HS3ST1: variants seen among roughly 807,000 people sequenced by gnomAD.
The protein encoded by HS3ST1 is heparan sulfate glucosamine 3-O-sulfotransferase 1.
In HS3ST1, 8 loss-of-function variants were observed where a neutral mutation model predicts 20.7. The ratio of observed to expected loss-of-function variants is 0.39; its 90% CI spans 0.23 to 0.70. The LOEUF (loss-of-function observed/expected upper bound fraction) is 0.70, where lower values mean the gene tolerates loss of function less well. HS3ST1 is among the 30% of genes least tolerant of loss of function. The pLI is 0.46. For synonymous variants in HS3ST1, 205 were observed against 190.4 expected (o/e 1.08, Z -0.63); for missense variants, 436 against 423.4 (o/e 1.03, Z -0.26).
intron 1 of HS3ST1, among the ~76,000 whole-genome samples, chr4:11,412,960 A>C (rs1342664633): frequency 6.6e-6 from 1 of 152,250 alleles, no homozygotes; most frequent in East Asian, 1.9e-4. Context: ...CCCTTCTAAG[A>C]AGAGGCCAGA....
chr4:11,410,641 C>T (rs2108884674), intron 1 of HS3ST1, among the ~76,000 whole-genome samples: 1 of 152,178 alleles, frequency 6.6e-6, no homozygotes, highest in Middle Eastern at 3.4e-3. Flanking sequence ...GCCTGTAATC[C>T]CAGCACTTTT....
rs920826836 is a variant in HS3ST1, at chr4:11,396,108, C to G, written c.*2974G>C. The G allele has an allele frequency of 1.3e-5, 2 of 152,208 alleles. No homozygotes were observed. The highest frequency in any genetic ancestry group is 2.1e-4 in the South Asian group (1 of 4,826). The allele number at this position is 152,208 out of a possible 1,614,324, so 9.4% of individuals were successfully genotyped here. On this transcript the variant is annotated 3_prime_UTR_variant, in exon 2 of 2. Coordinates refer to ENST00000002596, the MANE Select transcript of HS3ST1 (RefSeq NM_005114.4). ...ACCACCCCTGTAAGCAGCAGGCACG[C>G]TAGGCATCGGCCTCTCCTGCCCTCC...
rs186993820 is a variant in HS3ST1 at position 11,397,288 on chromosome 4, C to T, written c.*1794G>A. 240 of 152,460 alleles carry T rather than the reference C, an allele frequency of 1.6e-3. 3 individuals carry two copies. In the South Asian group the frequency reaches 0.034, roughly 21 times the overall value. 9.4% of individuals were successfully genotyped at this position (152,460 alleles called of 1,614,324 possible). On this transcript the variant is annotated 3_prime_UTR_variant, in exon 2 of 2. Coordinates refer to ENST00000002596, the MANE Select transcript of HS3ST1 (RefSeq NM_005114.4). ...GATTCTAAAGAGGAAGGCATCCTCT[C>T]TGCTCTCTGTTCATGATATGGGGTG... is the stretch of plus-strand genomic sequence containing the variant.
At chr4:11,418,739 CAGTG>C (rs1287894600) in intron 1 of HS3ST1, among the ~76,000 whole-genome samples, 2 of 152,152 alleles carry the variant, frequency 1.3e-5, no homozygotes, top group African/African-American at 2.4e-5. Flanking sequence ...AACCCCCACA[CAGTG>C]AGAGGACCAC....
intron 1 of HS3ST1, among the ~76,000 whole-genome samples, chr4:11,407,629 G>T (rs1219789457): frequency 6.6e-6 from 1 of 152,190 alleles, no homozygotes; most frequent in Admixed American, 6.5e-5. Flanking sequence ...TCCAGATCAG[G>T]TGAAGGATTA....
At chr4:11,404,236 G>A (rs548833880) in intron 1 of HS3ST1, among the ~76,000 whole-genome samples, 1 of 152,234 alleles carries the variant, frequency 6.6e-6, no homozygotes, top group South Asian at 2.1e-4. Context: ...TTTTAGTAGA[G>A]ATGGGGTTTC....
upstream of HS3ST1, among the ~76,000 whole-genome samples, chr4:11,432,259 C>T (rs924757759): frequency 6.6e-6 from 1 of 152,174 alleles, no homozygotes; most frequent in Non-Finnish European, 1.5e-5. Flanking sequence ...TTATTTGTAA[C>T]CCCCAGTCTA....
rs11559238 is a variant in HS3ST1 at position 11,399,942 on chromosome 4, G to A, written c.64C>T (p.Pro22Ser). 6.4e-7 allele frequency: 1 copy of A among 1,573,638 alleles called. No homozygotes were observed. The highest frequency in any genetic ancestry group is 1.3e-5 in the African/African-American group (1 of 74,194). ...VAQPQLVPSR[P>S]AELGQQELLR... is the part of the protein sequence containing the mutation. ...AGCTCCTGCTGGCCTAGCTCGGCGG[G>A]GCGGGAAGGCACTAGCTGGGGCTGG... The change falls in exon 2 of 2, where the codon CCC becomes TCC. Residue 22 changes from proline to serine, a missense_variant. Coordinates refer to ENST00000002596, the MANE Select transcript of HS3ST1 (RefSeq NM_005114.4). The surrounding 1 kb of genome is among the most constrained non-coding windows in gnomAD (Gnocchi z 5.1).
intron 1 of HS3ST1, among the ~76,000 whole-genome samples, chr4:11,402,873 AG>A (rs543594082): frequency 6.0e-4 from 91 of 152,364 alleles, no homozygotes; most frequent in Non-Finnish European, 1.1e-3. Context: ...ACCAGCAGAC[AG>A]TAGAGAAGAA....
intron 1 of HS3ST1, among the ~76,000 whole-genome samples, chr4:11,424,410 A>C (rs10939298): frequency 0.19 from 29,251 of 152,118 alleles, 3,174 homozygotes; most frequent in East Asian, 0.46. Context: ...AAAGCTACAG[A>C]CTTCATTCCC....
chr4:11,415,143 G>T (rs1051849422), intron 1 of HS3ST1, among the ~76,000 whole-genome samples: 32 of 152,172 alleles, frequency 2.1e-4, no homozygotes, highest in African/African-American at 7.7e-4. Flanking sequence ...TCAGGGGTCT[G>T]GTGAGGACAA....
chr4:11,427,727 A>G (rs1480189784), intron 1 of HS3ST1, among the ~76,000 whole-genome samples: 2 of 152,052 alleles, frequency 1.3e-5, no homozygotes, highest in Non-Finnish European at 2.9e-5. Context: ...GAGATGGAAG[A>G]CCTATAGCGC....
At chr4:11,433,356 G>A (rs1290060650), upstream of HS3ST1, among the ~76,000 whole-genome samples, 5 of 152,114 alleles carry the variant, frequency 3.3e-5, no homozygotes, top group Non-Finnish European at 5.9e-5. Flanking sequence ...TCATAAAAAA[G>A]CTTATAGTCT....
At chr4:11,426,011 TAA>T in intron 1 of HS3ST1, among the ~76,000 whole-genome samples, 1 of 152,146 alleles carries the variant, frequency 6.6e-6, no homozygotes, top group African/African-American at 2.4e-5. Flanking sequence ...TGGAAGCTGC[TAA>T]AAAGTTACCA....
intron 1 of HS3ST1, among the ~76,000 whole-genome samples, chr4:11,414,313 G>T (rs1013494123): frequency 5.9e-5 from 9 of 152,102 alleles, no homozygotes; most frequent in African/African-American, 2.2e-4. Flanking sequence ...GTGTGTGTGT[G>T]TGTGTATATA....
intron 1 of HS3ST1, among the ~76,000 whole-genome samples, chr4:11,407,309 C>G (rs1718493191): frequency 1.3e-5 from 2 of 152,178 alleles, no homozygotes; most frequent in Admixed American, 6.5e-5. Context: ...ATTGGCCCCA[C>G]TTTTTCCTTG....
chr4:11,420,166 A>G (rs1718892215), intron 1 of HS3ST1, among the ~76,000 whole-genome samples: 1 of 152,220 alleles, frequency 6.6e-6, no homozygotes. Context: ...CGCAACAGGA[A>G]CTGGTTATTT....
rs755894566 is a variant in HS3ST1 at position 11,399,777 on chromosome 4, G to T, written c.229C>A (p.His77Asn). ...TTCTCCGCGGCCGCCACGTCGGGGTGCAGGCTGAGCATCTCCAGCAGTGCG... is the reference window on the plus strand; with the variant it reads ...TTCTCCGCGGCCGCCACGTCGGGGTTCAGGCTGAGCATCTCCAGCAGTGCG... Reference protein sequence around the residue: ...TRALLEMLSLHPDVAAAENEV... With the variant: ...TRALLEMLSLNPDVAAAENEV... The change falls in exon 2 of 2, where the codon CAC becomes AAC. Residue 77 changes from histidine to asparagine, a missense_variant. His to Asn is a moderately conservative substitution (Grantham distance 68). Transcript: ENST00000002596. The surrounding 1 kb of genome is among the most constrained non-coding windows in gnomAD (Gnocchi z 5.1). 3.7e-6 allele frequency: 6 copies of T among 1,613,650 alleles called. No homozygotes were observed. Among genetic ancestry groups the T allele is most frequent in the Non-Finnish European group, 5.1e-6 (6 of 1,179,992 alleles).
In HS3ST1 at chr4:11,397,642, T is replaced by A. The variant is rs1346191406; in HGVS notation, c.*1440A>T. Reference sequence around the variant, plus strand: ...TGTGACCTTGGGCAAGTTTCTCATGTTCTCTGGGCCTAATTCCTCCTCTTT... The same window carrying A: ...TGTGACCTTGGGCAAGTTTCTCATGATCTCTGGGCCTAATTCCTCCTCTTT... On this transcript the variant is annotated 3_prime_UTR_variant, in exon 2 of 2. Transcript: ENST00000002596. The A allele has an allele frequency of 6.6e-6, 1 of 152,198 alleles. No homozygotes were observed. The highest frequency in any genetic ancestry group is 1.9e-4 in the East Asian group (1 of 5,194). The allele number at this position is 152,198 out of a possible 1,614,324, so 9.4% of individuals were successfully genotyped here. A position where few individuals can be genotyped will look rare whatever the true frequency, so the allele number is the denominator to read the frequency against.
Sources: gnomAD v4.1 joint callset for allele counts (sites outside exome capture counted in the v4.1 genomes callset) on GRCh38, gnomAD v4.1.1 for gene constraint, Gnocchi (gnomAD v3.1) non-coding constraint, MANE v1.5 for transcripts, NCBI Gene and HGNC (gene_info 2026-07-23, HGNC 2026-07-21) for gene names.